The following ADAM9 variants were observed in gnomAD, a reference collection of about 807,000 sequenced individuals.
ADAM9 encodes the protein disintegrin and metalloproteinase domain-containing protein 9.
Under a neutral mutation model 108.1 loss-of-function variants are expected in ADAM9, and 54 were observed. That is an observed-to-expected ratio of 0.50 (90% confidence interval 0.40 to 0.63). The LOEUF (loss-of-function observed/expected upper bound fraction) is 0.63. ADAM9 is among the 20% of genes least tolerant of loss of function. ADAM9 has a pLI of 0.00. For missense variants in ADAM9, 830 were observed against 997.7 expected, an observed-to-expected ratio of 0.83 and a Z score of 2.26; for synonymous variants, 316 against 336.0, an observed-to-expected ratio of 0.94 and a Z score of 0.65.
At chr8:39,049,698 C>T (rs1042845132) in intron 12 of ADAM9, among the ~76,000 whole-genome samples, 8 of 152,132 alleles carry the variant, frequency 5.3e-5, no homozygotes, top group African/African-American at 1.7e-4. Context: ...CTCGGCCTCC[C>T]AAAGTGCTGG....
intron 15 of ADAM9, among the ~76,000 whole-genome samples, chr8:39,075,533 T>C (rs1838828020): frequency 6.6e-6 from 1 of 152,260 alleles, no homozygotes; most frequent in Non-Finnish European, 1.5e-5. Flanking sequence ...CAACAGTGAA[T>C]GAGCATCTCA....
rs752033151 is a variant in ADAM9 at position 39,104,458 on chromosome 8, TTAAA to T, written c.*764_*767del. On this transcript the variant is annotated 3_prime_UTR_variant, in exon 22 of 22. Transcript: ENST00000487273. ...GACATTCGTTCACAATAGCACTATT[TTAAA>T]TAAATTATAAGCTTTAAGGTACGAA... 1.6e-4 allele frequency: 63 copies of T among 400,626 alleles called. No homozygotes were observed. The highest frequency in any genetic ancestry group is 3.6e-4 in the African/African-American group (17 of 47,808). The allele number at this position is 400,626 out of a possible 1,614,324, so 24.8% of individuals were successfully genotyped here.
At chr8:39,076,419 A>G (rs1358549879) in intron 15 of ADAM9, 1 of 152,256 alleles carries the variant, frequency 6.6e-6, no homozygotes, top group Non-Finnish European at 1.5e-5. Context: ...CCTAATAAGC[A>G]GAAAGAAGAA....
At position 39,011,592 on chromosome 8, in the gene ADAM9, A is replaced by G. The variant is rs893819296; in HGVS notation, c.196-66A>G. 4.2e-6 allele frequency: 6 copies of G among 1,421,508 alleles called. No individual in the cohort carries two copies. The African/African-American group carries it at 4.2e-5, about 10-fold the overall frequency. 88.1% of individuals were successfully genotyped at this position (1,421,508 alleles called of 1,614,324 possible). ...GGATGGAATTTCCTGCATCTTATAA[A>G]TGAGATGTTGTTGAAAAGTAATTTT... On this transcript the variant is annotated intron_variant, in intron 2 of 21. Coordinates refer to ENST00000487273, the MANE Select transcript of ADAM9 (RefSeq NM_003816.3).
chr8:39,044,555 T>C (rs933828302), intron 12 of ADAM9, among the ~76,000 whole-genome samples: 19 of 151,234 alleles, frequency 1.3e-4, no homozygotes, highest in Admixed American at 5.9e-4. Flanking sequence ...ACCCAAACAA[T>C]GAACATTGTA....
chr8:39,067,836 G>T (rs1366922503), intron 14 of ADAM9, among the ~76,000 whole-genome samples: 1 of 152,128 alleles, frequency 6.6e-6, no homozygotes, highest in African/African-American at 2.4e-5. Flanking sequence ...TTTCAGAGGG[G>T]ATGCTTCCAG....
At position 39,051,593 on chromosome 8, in the gene ADAM9, C is replaced by T. The variant is rs549080446; in HGVS notation, c.1303-2888C>T. ...ACAGGGATGTTTATTGCAGCACTGCCTGTTGGAGGAAGGAGAATCCAGAGC... is the reference window on the plus strand; with the variant it reads ...ACAGGGATGTTTATTGCAGCACTGCTTGTTGGAGGAAGGAGAATCCAGAGC... On this transcript the variant is annotated intron_variant, in intron 12 of 21. Coordinates refer to ENST00000487273, the MANE Select transcript of ADAM9 (RefSeq NM_003816.3). Among the ~76,000 whole-genome samples the T allele has an allele frequency of 6.6e-5, 10 of 152,202 alleles. No homozygotes were observed. In the South Asian group the frequency reaches 2.1e-3, roughly 32 times the overall value.
intron 2 of ADAM9, 75 bp from the exon 3 acceptor site, chr8:39,011,583 A>C: frequency 7.4e-7 from 1 of 1,342,566 alleles, no homozygotes; most frequent in East Asian, 2.3e-5. Flanking sequence ...AATTTCCTGC[A>C]TCTTATAAAT....
chr8:39,091,830 A>T (rs1334531072), intron 20 of ADAM9, among the ~76,000 whole-genome samples: 1 of 152,180 alleles, frequency 6.6e-6, no homozygotes, highest in Admixed American at 6.5e-5. Flanking sequence ...CTTGGCTCAG[A>T]GGACACAGAA....
chr8:39,058,174 G>A (rs897755145), intron 14 of ADAM9, among the ~76,000 whole-genome samples: 1 of 152,138 alleles, frequency 6.6e-6, no homozygotes, highest in African/African-American at 2.4e-5. Flanking sequence ...AAGTCAATAT[G>A]TCTTATGCTG....
chr8:39,027,219 TGAA>T (rs1278058524), intron 11 of ADAM9, among the ~76,000 whole-genome samples: 1 of 152,352 alleles, frequency 6.6e-6, no homozygotes, highest in Admixed American at 6.5e-5. Context: ...TGGATTACAC[TGAA>T]GGACTGCATA....
chr8:39,089,916 C>T (rs1839294476), intron 18 of ADAM9, 131 bp from the exon 19 acceptor site: 1 of 1,021,830 alleles, frequency 9.8e-7, no homozygotes, highest in Admixed American at 1.7e-5. Flanking sequence ...TGGAAGACTT[C>T]TCAATATATT....
chr8:38,999,488 T>C (rs1180656981), intron 1 of ADAM9, among the ~76,000 whole-genome samples: 1 of 152,192 alleles, frequency 6.6e-6, no homozygotes, highest in East Asian at 1.9e-4. Context: ...AAAATGACTT[T>C]GAAAGCTTAC....
At chr8:39,008,684 C>T (rs1487148217) in intron 2 of ADAM9, among the ~76,000 whole-genome samples, 1 of 152,122 alleles carries the variant, frequency 6.6e-6, no homozygotes, top group Non-Finnish European at 1.5e-5. Flanking sequence ...ACACTTTATA[C>T]TATATCTTCA....
Position 39,026,779 on chromosome 8 carries a change from G to C in ADAM9, c.1099G>C (p.Ala367Pro). 6.2e-7 allele frequency: 1 copy of C among 1,613,970 alleles called. No homozygotes were observed. The highest frequency in any genetic ancestry group is 8.5e-7 in the Non-Finnish European group (1 of 1,179,990). Residue 367 changes from alanine (A) to proline (P), a missense_variant, in exon 11 of 22, where the codon GCA becomes CCA. Around this residue, in one of 3 missense-constraint regions of ADAM9, gnomAD observed 381 missense variants for 539.8 expected, o/e 0.71. Transcript: ENST00000487273. ...TGATGGGAGAGATTGTTCCTGTGGA[G>C]CAAAGAGCTGCATCATGAATTCAGG... ...HDDGRDCSCG[A>P]KSCIMNSGAS...
chr8:39,025,802 G>C lies in ADAM9; in HGVS notation c.915-1G>C. On this transcript the variant is annotated splice_acceptor_variant, in intron 9 of 21. Coordinates refer to ENST00000487273, the MANE Select transcript of ADAM9 (RefSeq NM_003816.3). LOFTEE classifies it high-confidence loss of function. The stretch of plus-strand genomic sequence containing the variant: ...TTTTTAACTTTTACATTTTCATTTA[G>C]AAAGAAAGGTTTTGGTGGAACTGCA... 1 of 1,613,632 alleles carries C rather than the reference G, an allele frequency of 6.2e-7. No individual in the cohort carries two copies. The highest frequency in any genetic ancestry group is 8.5e-7 in the Non-Finnish European group (1 of 1,179,798).
intron 8 of ADAM9, among the ~76,000 whole-genome samples, chr8:39,022,065 TG>T: frequency 1.1e-5 from 1 of 87,174 alleles, no homozygotes; most frequent in South Asian, 2.8e-4. Flanking sequence ...TGACAATATT[TG>T]TGTGTGTGTG....
chr8:39,092,832 A>G (rs1023513486), intron 20 of ADAM9, among the ~76,000 whole-genome samples: 2 of 152,204 alleles, frequency 1.3e-5, no homozygotes, highest in Non-Finnish European at 2.9e-5. Context: ...TCATGTGGAT[A>G]TGAAGTTGTC....
At chr8:39,017,540 A>G (rs1836578473) in intron 6 of ADAM9, 126 bp downstream of exon 6, 1 of 913,898 alleles carries the variant, frequency 1.1e-6, no homozygotes, top group Non-Finnish European at 1.7e-6. Context: ...AATATATGCC[A>G]GACATTGTGA....
Sources: gnomAD v4.1 joint callset for allele counts (sites outside exome capture counted in the v4.1 genomes callset) on GRCh38, gnomAD v4.1.1 for gene constraint, gnomAD v4.1.1 regional missense constraint, MANE v1.5 for transcripts, NCBI Gene and HGNC (gene_info 2026-07-23, HGNC 2026-07-21) for gene names.